The following KCNU1 variants were observed in gnomAD, a reference collection of about 807,000 sequenced individuals.
KCNU1 encodes potassium channel subfamily U member 1.
Under a neutral mutation model 126.8 loss-of-function variants are expected in KCNU1, and 93 were observed. That is an observed-to-expected ratio of 0.73 (90% CI 0.62 to 0.87). The LOEUF (loss-of-function observed/expected upper bound fraction) is 0.87, where lower values mean the gene tolerates loss of function less well. KCNU1 is among the 40% of genes least tolerant of loss of function. The pLI, the probability that KCNU1 is intolerant of heterozygous loss-of-function variation, is 0.00. For synonymous variants in KCNU1, 523 were observed against 494.2 expected (o/e 1.06, Z -0.77); for missense variants, 1,330 against 1,367.1 (o/e 0.97, Z 0.43).
At chr8:36,870,952 T>A (rs913874294) in intron 19 of KCNU1, among the ~76,000 whole-genome samples, 2 of 152,146 alleles carry the variant, frequency 1.3e-5, no homozygotes, top group African/African-American at 2.4e-5. Flanking sequence ...GTTTTCCACC[T>A]GAGATTTTAG....
intron 2 of KCNU1, among the ~76,000 whole-genome samples, chr8:36,794,568 C>T (rs959677645): frequency 4.6e-5 from 7 of 151,976 alleles, no homozygotes; most frequent in African/African-American, 1.7e-4. Context: ...ACAACCAGTT[C>T]AGGATGAGCA....
chr8:36,841,829 AC>A (rs1804967349), intron 16 of KCNU1, among the ~76,000 whole-genome samples: 1 of 152,212 alleles, frequency 6.6e-6, no homozygotes, highest in Non-Finnish European at 1.5e-5. Flanking sequence ...TTTCCCAAAA[AC>A]CCATAAGTGA....
At chr8:36,922,411 C>A in intron 23 of KCNU1, 79 bp from the exon 24 acceptor site, 1 of 1,460,874 alleles carries the variant, frequency 6.8e-7, no homozygotes, top group Non-Finnish European at 9.3e-7. Context: ...AAGTGGTCGC[C>A]CCTTGGCCTG....
intron 22 of KCNU1, among the ~76,000 whole-genome samples, chr8:36,915,916 A>G (rs531348707): frequency 4.6e-5 from 7 of 152,218 alleles, no homozygotes; most frequent in African/African-American, 1.7e-4. Flanking sequence ...ATATTTTAAA[A>G]TATTTAAAAA....
intron 24 of KCNU1, chr8:36,929,054 C>A: frequency 1.4e-6 from 1 of 696,296 alleles, no homozygotes; most frequent in Admixed American, 2.0e-5. Flanking sequence ...GTAAGTATTG[C>A]CATGTCAACT....
chr8:36,899,041 T>C (rs1387887896), intron 19 of KCNU1, among the ~76,000 whole-genome samples: 1 of 152,014 alleles, frequency 6.6e-6, no homozygotes, highest in East Asian at 1.9e-4. Context: ...AGAGGGAAAT[T>C]GTCTTTTTAT....
chr8:36,926,796 G>T (rs1339004427), intron 24 of KCNU1, among the ~76,000 whole-genome samples: 2 of 152,060 alleles, frequency 1.3e-5, no homozygotes, highest in East Asian at 1.9e-4. Context: ...CAACATAAGA[G>T]GTTACAGAGG....
At chr8:36,825,086 G>A (rs1804269463) in intron 10 of KCNU1, among the ~76,000 whole-genome samples, 1 of 152,178 alleles carries the variant, frequency 6.6e-6, no homozygotes, top group Non-Finnish European at 1.5e-5. Flanking sequence ...AGTTCCTGGT[G>A]CCCTACATCC....
chr8:36,858,176 C>CAAAAAA (rs67265944), intron 18 of KCNU1, among the ~76,000 whole-genome samples: 3 of 73,044 alleles, frequency 4.1e-5, no homozygotes, highest in African/African-American at 5.8e-5. Flanking sequence ...TCAAGGATGG[C>CAAAAAA]AAAAAAAAAA....
At chr8:36,898,780 A>G (rs1029300517) in intron 19 of KCNU1, among the ~76,000 whole-genome samples, 3 of 152,070 alleles carry the variant, frequency 2.0e-5, no homozygotes, top group African/African-American at 7.2e-5. Context: ...TGATATTTAG[A>G]AAGTGTTGGA....
intron 19 of KCNU1, among the ~76,000 whole-genome samples, chr8:36,881,837 CACACACAT>C (rs1806493492): frequency 7.1e-6 from 1 of 141,740 alleles, no homozygotes; most frequent in Non-Finnish European, 1.6e-5. Context: ...CACACACACA[CACACACAT>C]TCAAGTTTAC....
rs376274848 is a variant in KCNU1 at position 36,932,947 on chromosome 8, T to C, written c.2959T>C (p.Cys987Arg). ...NPRNTFGQLF[C>R]GSLDLFGILC... ...AAGAAACACCTTTGGACAACTGTTC[T>C]GTGGCTCATTAGATCTTTTTGGAAT... The change falls in exon 26 of 27, where the codon TGT becomes CGT. Residue 987 changes from cysteine (C) to arginine (R), a missense_variant. Physicochemically the swap from Cys to Arg is radical, Grantham distance 180. Around this residue, in one of 3 missense-constraint regions of KCNU1, gnomAD observed 1,054 missense variants for 1,053.9 expected, o/e 1.00. Coordinates refer to ENST00000399881, the MANE Select transcript of KCNU1 (RefSeq NM_001031836.3). 3.2e-6 allele frequency: 5 copies of C among 1,574,678 alleles called. No homozygotes were observed. The highest frequency in any genetic ancestry group is 4.3e-6 in the Non-Finnish European group (5 of 1,158,016).
At chr8:36,921,724 G>C (rs910178645) in intron 23 of KCNU1, among the ~76,000 whole-genome samples, 1 of 151,280 alleles carries the variant, frequency 6.6e-6, no homozygotes, top group Non-Finnish European at 1.5e-5. Flanking sequence ...TCTTCTCACG[G>C]ACCACAGTGA....
intron 18 of KCNU1, among the ~76,000 whole-genome samples, chr8:36,863,997 G>A (rs1805813691): frequency 6.6e-6 from 1 of 152,108 alleles, no homozygotes; most frequent in South Asian, 2.1e-4. Context: ...GCAAAAGGAG[G>A]TGATGTCCAG....
chr8:36,905,923 AAAG>A, intron 20 of KCNU1, 119 bp downstream of exon 20: 2 of 579,980 alleles, frequency 3.4e-6, no homozygotes, highest in Admixed American at 6.8e-5. Context: ...TTTGTCAAAA[AAAG>A]AAAAAAACCC....
intron 26 of KCNU1, among the ~76,000 whole-genome samples, chr8:36,934,153 T>C (rs997058179): frequency 6.6e-6 from 1 of 152,022 alleles, no homozygotes; most frequent in South Asian, 2.1e-4. Flanking sequence ...GGTGGAACAA[T>C]GTTAGGAATT....
intron 18 of KCNU1, among the ~76,000 whole-genome samples, chr8:36,851,373 T>TTCTC (rs767473600): frequency 0.021 from 2,911 of 140,264 alleles, 94 homozygotes; most frequent in East Asian, 0.11. Context: ...GGCACTTCCC[T>TTCTC]TCTCTCTCTC....
At chr8:36,870,357 A>G (rs1806057904) in intron 19 of KCNU1, among the ~76,000 whole-genome samples, 1 of 152,134 alleles carries the variant, frequency 6.6e-6, no homozygotes, top group African/African-American at 2.4e-5. Flanking sequence ...ACCTGTCCCT[A>G]TGACCTCTTA....
chr8:36,803,930 G>A (rs117228362), intron 2 of KCNU1, 97 bp from the exon 3 acceptor site: 8,304 of 781,340 alleles, frequency 0.011, 70 homozygotes, highest in South Asian at 0.02. Flanking sequence ...ATGGCTACAC[G>A]TACACAGGCA....
Sources: gnomAD v4.1 joint callset for allele counts (sites outside exome capture counted in the v4.1 genomes callset) on GRCh38, gnomAD v4.1.1 for gene constraint, gnomAD v4.1.1 regional missense constraint, MANE v1.5 for transcripts, NCBI Gene and HGNC (gene_info 2026-07-23, HGNC 2026-07-21) for gene names.